THSD7A: variants seen among roughly 807,000 people sequenced by gnomAD.
The protein encoded by THSD7A is thrombospondin type 1 domain containing 7A.
Under a neutral mutation model 231.3 loss-of-function variants are expected in THSD7A, and 96 were observed. The ratio of observed to expected loss-of-function variants is 0.41; its 90% CI spans 0.35 to 0.49. The LOEUF is 0.49. Among genes scored for constraint, THSD7A ranks in the 20% least tolerant of loss-of-function variants. The pLI is 0.05. For missense variants in THSD7A, 2,290 were observed against 2,070.2 expected (o/e 1.11, Z -2.06); for synonymous variants, 940 against 743.3 (o/e 1.26, Z -4.30).
chr7:11,831,917 G>T lies in THSD7A; in HGVS notation c.30C>A (p.Ser10=). The change falls in exon 1 of 28, where the codon TCC becomes TCA. Residue 10 remains serine, a synonymous_variant. Transcript: ENST00000423059. This position sits in a 1 kb window ranked among gnomAD's most constrained non-coding sequence, Gnocchi z 5.0. ...GCGGCCCCGCAGCGCCCCGGCTCCC[G>T]GACGCCCAGCGCCTGGCTTGCAGCC... MGLQARRWA[S]GSRGAAGPRR... is the part of the protein sequence containing the mutation. 1 of 1,233,570 alleles carries T rather than the reference G, an allele frequency of 8.1e-7. No homozygotes were observed. 76.4% of individuals were successfully genotyped at this position (1,233,570 alleles called of 1,614,324 possible).
intron 14 of THSD7A, among the ~76,000 whole-genome samples, chr7:11,427,994 A>G (rs1267208049): frequency 6.6e-6 from 1 of 152,142 alleles, no homozygotes; most frequent in Non-Finnish European, 1.5e-5. Context: ...CTTCATCTTA[A>G]TTTACTTAAT....
chr7:11,439,671 A>C (rs770845039), intron 13 of THSD7A, among the ~76,000 whole-genome samples: 6 of 152,020 alleles, frequency 3.9e-5, no homozygotes, highest in Non-Finnish European at 5.9e-5. Flanking sequence ...ACATTCCCTT[A>C]AACCAAAGCC....
At chr7:11,703,680 C>T (rs1021919755) in intron 1 of THSD7A, among the ~76,000 whole-genome samples, 3 of 151,402 alleles carry the variant, frequency 2.0e-5, no homozygotes, top group Admixed American at 6.6e-5. Flanking sequence ...AATGTGGTGT[C>T]TGACTGTACT....
At chr7:11,440,022 C>G (rs1784753855) in intron 13 of THSD7A, among the ~76,000 whole-genome samples, 1 of 151,904 alleles carries the variant, frequency 6.6e-6, no homozygotes, top group Non-Finnish European at 1.5e-5. Flanking sequence ...CAGATTGACT[C>G]TTTTGTTAGG....
At chr7:11,542,837 A>G in intron 5 of THSD7A, 125 bp downstream of exon 5, 1 of 1,074,356 alleles carries the variant, frequency 9.3e-7, no homozygotes. Flanking sequence ...ATCTTTTGAA[A>G]TTAATAGTCT....
At chr7:11,725,627 T>C (rs1385809972) in intron 1 of THSD7A, among the ~76,000 whole-genome samples, 2 of 152,052 alleles carry the variant, frequency 1.3e-5, no homozygotes, top group Admixed American at 6.6e-5. Flanking sequence ...TAAAATAAAC[T>C]GTCATGTATT....
intron 9 of THSD7A, among the ~76,000 whole-genome samples, chr7:11,468,396 A>C (rs1175179991): frequency 5.9e-5 from 9 of 152,084 alleles, no homozygotes; most frequent in Admixed American, 5.9e-4. Context: ...CTTAAAAAAA[A>C]AAAAAGGAAT....
intron 1 of THSD7A, among the ~76,000 whole-genome samples, chr7:11,823,551 G>A (rs953080599): frequency 6.6e-6 from 1 of 151,990 alleles, no homozygotes; most frequent in Non-Finnish European, 1.5e-5. Flanking sequence ...TGGGCAGAAC[G>A]GTCATTGTAA....
At chr7:11,765,799 A>G (rs1783012880) in intron 1 of THSD7A, among the ~76,000 whole-genome samples, 1 of 152,096 alleles carries the variant, frequency 6.6e-6, no homozygotes, top group South Asian at 2.1e-4. Context: ...CAGCCTGTAC[A>G]TACCCTGAAC....
At chr7:11,660,096 A>G (rs1418926816) in intron 1 of THSD7A, among the ~76,000 whole-genome samples, 1 of 151,638 alleles carries the variant, frequency 6.6e-6, no homozygotes, top group Non-Finnish European at 1.5e-5. Flanking sequence ...ATGGAAACAC[A>G]TATGCTTCTA....
chr7:11,426,416 G>C (rs890263025), intron 15 of THSD7A, among the ~76,000 whole-genome samples: 8 of 152,108 alleles, frequency 5.3e-5, no homozygotes, highest in African/African-American at 1.9e-4. Flanking sequence ...AGTGAAACTT[G>C]TTCTCCCCAA....
chr7:11,463,061 ATT>A lies in THSD7A; in HGVS notation c.2369-920_2369-919del, dbSNP rs1785565477. On this transcript the variant is annotated intron_variant, in intron 9 of 27. Transcript: ENST00000423059. ...AATAGAATCCTCCTGATGCATTTTCATTATTTTGCAAGATCTTCAAATATTTC... is the reference window on the plus strand; with the variant it reads ...AATAGAATCCTCCTGATGCATTTTCAATTTTGCAAGATCTTCAAATATTTC... 2.0e-5 allele frequency among the ~76,000 whole-genome samples: 3 copies of A among 152,306 alleles called. No individual in the cohort carries two copies. The South Asian group carries it at 6.2e-4, about 32-fold the overall frequency.
At chr7:11,437,951 A>G (rs776202712) in intron 13 of THSD7A, among the ~76,000 whole-genome samples, 5 of 151,990 alleles carry the variant, frequency 3.3e-5, no homozygotes, top group Admixed American at 1.3e-4. Flanking sequence ...ACAAACTCTT[A>G]AAGTCTATTT....
intron 2 of THSD7A, among the ~76,000 whole-genome samples, chr7:11,602,814 AATT>A (rs1780596326): frequency 1.3e-5 from 2 of 151,664 alleles, no homozygotes; most frequent in Non-Finnish European, 1.5e-5. Flanking sequence ...TGGGAAAATG[AATT>A]ATTACAATAC....
intron 4 of THSD7A, among the ~76,000 whole-genome samples, chr7:11,582,688 G>T (rs561823857): frequency 7.9e-5 from 12 of 152,092 alleles, no homozygotes; most frequent in Non-Finnish European, 1.8e-4. Context: ...ATTCTACGTT[G>T]CCAGTTACTT....
intron 24 of THSD7A, among the ~76,000 whole-genome samples, chr7:11,379,995 T>A (rs1782447181): frequency 6.6e-6 from 1 of 152,186 alleles, no homozygotes; most frequent in Non-Finnish European, 1.5e-5. Context: ...AAAATACTAA[T>A]TGCACACAAG....
At chr7:11,610,446 A>G (rs138661009) in intron 2 of THSD7A, among the ~76,000 whole-genome samples, 45 of 152,234 alleles carry the variant, frequency 3.0e-4, no homozygotes, top group African/African-American at 1.1e-3. Context: ...AGAGTATTTT[A>G]TGTGTAATAA....
intron 2 of THSD7A, among the ~76,000 whole-genome samples, chr7:11,612,623 G>T (rs1283343879): frequency 6.6e-6 from 1 of 152,164 alleles, no homozygotes; most frequent in Non-Finnish European, 1.5e-5. Flanking sequence ...CAGAAGCGAT[G>T]TTATTGAGTC....
intron 1 of THSD7A, among the ~76,000 whole-genome samples, chr7:11,780,414 C>T (rs1230679505): frequency 6.6e-6 from 1 of 152,184 alleles, no homozygotes; most frequent in Non-Finnish European, 1.5e-5. Context: ...TTGCCTTTCT[C>T]TCTCTTTGAT....
Sources: gnomAD v4.1 joint callset for allele counts (sites outside exome capture counted in the v4.1 genomes callset) on GRCh38, gnomAD v4.1.1 for gene constraint, Gnocchi (gnomAD v3.1) non-coding constraint, MANE v1.5 for transcripts, NCBI Gene and HGNC (gene_info 2026-07-23, HGNC 2026-07-21) for gene names.